CD8B: variants seen among roughly 807,000 people sequenced by gnomAD.
CD8B encodes the protein CD8 subunit beta.
Under a neutral mutation model 24.2 loss-of-function variants are expected in CD8B, and 6 were observed. That is an observed-to-expected ratio of 0.25 (90% confidence interval 0.14 to 0.49). CD8B has a LOEUF of 0.49. CD8B is among the 20% of genes least tolerant of loss of function. The pLI is 0.98. For synonymous variants in CD8B, 84 were observed against 108.3 expected, an observed-to-expected ratio of 0.78 and a Z score of 1.39; for missense variants, 196 against 271.3, an observed-to-expected ratio of 0.72 and a Z score of 1.95.
chr2:86,823,770 T>C (rs781430281), intron 5 of CD8B, among the ~76,000 whole-genome samples: 199 of 152,182 alleles, frequency 1.3e-3, no homozygotes, highest in Non-Finnish European at 2.0e-3. Flanking sequence ...GACGGTGTAG[T>C]GGACAGAGAT....
intron 5 of CD8B, among the ~76,000 whole-genome samples, chr2:86,818,421 C>T (rs931637605): frequency 3.3e-5 from 5 of 152,270 alleles, no homozygotes; most frequent in Admixed American, 3.3e-4. Context: ...GCAAATCTAT[C>T]AATGCTGTTT....
chr2:86,861,359 G>C (rs1305089303), intron 1 of CD8B, among the ~76,000 whole-genome samples: 1 of 152,052 alleles, frequency 6.6e-6, no homozygotes, highest in Non-Finnish European at 1.5e-5. Flanking sequence ...AGCCCTCCGA[G>C]AACTGAGAAC....
At chr2:86,843,720 T>C in intron 5 of CD8B, 3 of 983,620 alleles carry the variant, frequency 3.0e-6, no homozygotes, top group Non-Finnish European at 3.6e-6. Context: ...GTGCTCTGAC[T>C]CCGGGGTCCT....
intron 3 of CD8B, among the ~76,000 whole-genome samples, chr2:86,847,178 C>A (rs1675731133): frequency 6.6e-6 from 1 of 151,878 alleles, no homozygotes; most frequent in African/African-American, 2.4e-5. Flanking sequence ...CTCAAGCAAT[C>A]CGCCCACCTT....
chr2:86,851,170 G>C (rs892510347), intron 3 of CD8B, among the ~76,000 whole-genome samples: 1 of 151,878 alleles, frequency 6.6e-6, no homozygotes. Context: ...ATTTATAAAA[G>C]TATGACTGAG....
intron 5 of CD8B, chr2:86,822,467 G>T: frequency 1.3e-6 from 1 of 744,824 alleles, no homozygotes; most frequent in Non-Finnish European, 2.3e-6. Context: ...CAATGATAAT[G>T]CATTCAATAT....
In CD8B at chr2:86,839,673, C is replaced by A. The variant is rs1483994254; in HGVS notation, c.*2634G>T. On this transcript the variant is annotated 3_prime_UTR_variant, in exon 6 of 6. Coordinates refer to ENST00000390655, the MANE Select transcript of CD8B (RefSeq NM_004931.5). ...GACAGAGGAGCGCAAACCACCCCTG[C>A]CCCCAGCCCAACCCCATGAGAACTT... Among the ~76,000 whole-genome samples, 3 of 152,210 alleles carry A rather than the reference C, an allele frequency of 2.0e-5. No homozygotes were observed. The highest frequency in any genetic ancestry group is 2.9e-5 in the Non-Finnish European group (2 of 68,044).
In CD8B at chr2:86,858,354, T is replaced by A; in HGVS notation, c.106A>T (p.Met36Leu). ...TTAGCCTCGCAGGACAGCATCACCA[T>A]CTTGTTGGTTTGCACCTTTATGTAT... The part of the protein sequence containing the change: ...PAYIKVQTNK[M>L]VMLSCEAKIS... Residue 36 changes from methionine (M) to leucine (L), a missense_variant, in exon 2 of 6, where the codon ATG becomes TTG. Met to Leu is a conservative substitution (Grantham distance 15, BLOSUM62 2). Transcript: ENST00000390655. 6.2e-7 allele frequency: 1 copy of A among 1,613,682 alleles called. No homozygotes were observed. The highest frequency in any genetic ancestry group is 1.3e-5 in the African/African-American group (1 of 74,958).
chr2:86,855,426 G>C (rs1573525846), intron 2 of CD8B, among the ~76,000 whole-genome samples: 2 of 152,188 alleles, frequency 1.3e-5, no homozygotes, highest in Admixed American at 6.5e-5. Flanking sequence ...TTTTATCCAG[G>C]AGGAAGCCTA....
chr2:86,858,378 A>G lies in CD8B; in HGVS notation c.82T>C (p.Tyr28His). 3 of 1,608,574 alleles carry G rather than the reference A, an allele frequency of 1.9e-6. No homozygotes were observed. Among genetic ancestry groups the G allele is most frequent in the East Asian group, 2.2e-5 (1 of 44,744 alleles). The change falls in exon 2 of 6, where the codon TAC becomes CAC. Residue 28 changes from tyrosine (Y) to histidine (H), a missense_variant. By Grantham distance (83) the Tyr-to-His change is moderately conservative (BLOSUM62 2). Transcript: ENST00000390655. ...ATCTTGTTGGTTTGCACCTTTATGT[A>G]TGCAGGGGTCTGCTGGAGGACTGAG... is the stretch of plus-strand genomic sequence containing the variant. Reference protein sequence around the residue: ...GNSVLQQTPAYIKVQTNKMVM... With the variant: ...GNSVLQQTPAHIKVQTNKMVM...
rs143748517 is a variant in CD8B at position 86,827,766 on chromosome 2, A to G, written c.621-12048T>C. 2.0e-4 allele frequency among the ~76,000 whole-genome samples: 31 copies of G among 152,364 alleles called. No homozygotes were observed. In the East Asian group the frequency reaches 6.0e-3, roughly 29 times the overall value. ...ATCTACAGCTCTGGACTAATGGATC[A>G]GATTTTGCTAGTTGCAAAGATTTTT... On this transcript the variant is annotated intron_variant, in intron 5 of 5. Transcript: ENST00000331469.
chr2:86,847,717 C>T (rs1280825908), intron 3 of CD8B, among the ~76,000 whole-genome samples: 3 of 152,138 alleles, frequency 2.0e-5, no homozygotes, highest in South Asian at 4.1e-4. Context: ...AGGCGTCCGC[C>T]GTCATGCCTG....
intron 5 of CD8B, among the ~76,000 whole-genome samples, chr2:86,828,459 C>G (rs574019266): frequency 1.3e-5 from 2 of 151,692 alleles, no homozygotes; most frequent in South Asian, 2.1e-4. Flanking sequence ...ATTTGTTTCC[C>G]CTTCAGAGGA....
At chr2:86,850,067 C>T (rs1280639143) in intron 3 of CD8B, among the ~76,000 whole-genome samples, 3 of 152,088 alleles carry the variant, frequency 2.0e-5, no homozygotes, top group South Asian at 2.1e-4. Flanking sequence ...CAGGGCGGCA[C>T]GGCTCCTTCC....
chr2:86,858,042 G>C lies in CD8B; in HGVS notation c.403+15C>G, dbSNP rs776979468. The C allele has an allele frequency of 6.2e-7, 1 of 1,612,548 alleles. No individual in the cohort carries two copies. Among genetic ancestry groups the C allele is most frequent in the African/African-American group, 1.3e-5 (1 of 75,028 alleles). On this transcript the variant is annotated intron_variant, in intron 2 of 5. Transcript: ENST00000390655. ...ACAATCGGTGCTCACTGATAGCATT[G>C]AGCCTGCTTCTTACCCACACTCAGC... is the stretch of plus-strand genomic sequence containing the variant.
intron 5 of CD8B, among the ~76,000 whole-genome samples, chr2:86,818,225 T>TAAATAAATAAAA (rs1558745835): frequency 3.6e-4 from 55 of 151,696 alleles, no homozygotes; most frequent in African/African-American, 1.3e-3. Flanking sequence ...AATAAATAAA[T>TAAATAAATAAAA]AAAAATAAAT....
At chr2:86,817,225 A>G (rs913288573) in intron 5 of CD8B, among the ~76,000 whole-genome samples, 16 of 152,232 alleles carry the variant, frequency 1.1e-4, no homozygotes, top group Admixed American at 9.8e-4. Flanking sequence ...TTACAACTGC[A>G]GTGGAGATAA....
chr2:86,861,416 T>C (rs1329804914), intron 1 of CD8B, among the ~76,000 whole-genome samples: 1 of 151,772 alleles, frequency 6.6e-6, no homozygotes, highest in East Asian at 2.0e-4. Context: ...CCGGAAGTAA[T>C]AAAAATGTGT....
At chr2:86,828,125 C>T (rs2104509579) in intron 5 of CD8B, among the ~76,000 whole-genome samples, 1 of 152,246 alleles carries the variant, frequency 6.6e-6, no homozygotes, top group Middle Eastern at 3.4e-3. Flanking sequence ...GGTTAATTGA[C>T]ATAATGCAGG....
Sources: allele counts gnomAD v4.1 joint callset (sites outside exome capture counted in the v4.1 genomes callset), GRCh38; gene constraint gnomAD v4.1.1; transcripts MANE v1.5; gene names NCBI Gene and HGNC (gene_info 2026-07-23, HGNC 2026-07-21).